TRAPPC9: variants seen among roughly 807,000 people sequenced by gnomAD.
TRAPPC9 encodes the protein trafficking protein particle complex subunit 9, also known as IKK2 binding protein.
Under a neutral mutation model 124.0 loss-of-function variants are expected in TRAPPC9, and 83 were observed. The ratio of observed to expected loss-of-function variants is 0.67; its 90% CI spans 0.56 to 0.80. TRAPPC9 has a LOEUF of 0.80. Among genes scored for constraint, TRAPPC9 ranks in the 30% least tolerant of loss-of-function variants. TRAPPC9 has a pLI of 0.00. For synonymous variants in TRAPPC9, 638 were observed against 617.5 expected, an observed-to-expected ratio of 1.03 and a Z score of -0.49; for missense variants, 1,302 against 1,508.3, an observed-to-expected ratio of 0.86 and a Z score of 2.27.
chr8:139,762,887 G>A (rs1373248987), intron 21 of TRAPPC9, among the ~76,000 whole-genome samples: 2 of 152,194 alleles, frequency 1.3e-5, no homozygotes. Flanking sequence ...CAAGTTCCCA[G>A]TCTCAGTTGC....
intron 19 of TRAPPC9, among the ~76,000 whole-genome samples, chr8:139,918,868 G>A (rs997526642): frequency 6.6e-6 from 1 of 152,156 alleles, no homozygotes; most frequent in East Asian, 1.9e-4. Flanking sequence ...CCTGCACCAC[G>A]GGTCATTTTA....
intron 9 of TRAPPC9, among the ~76,000 whole-genome samples, chr8:140,328,233 C>T (rs375518992): frequency 5.3e-5 from 8 of 151,524 alleles, no homozygotes; most frequent in South Asian, 4.2e-4. Flanking sequence ...CCAGCCTGGG[C>T]GAAAGAGCGA....
At chr8:139,974,003 G>A (rs77444662) in intron 19 of TRAPPC9, among the ~76,000 whole-genome samples, 4,467 of 152,276 alleles carry the variant, frequency 0.029, 223 homozygotes, top group African/African-American at 0.1. Context: ...CAGGAGCTTC[G>A]AGAGCGGCCT....
chr8:139,822,572 G>T (rs906419766), intron 21 of TRAPPC9, among the ~76,000 whole-genome samples: 3 of 152,182 alleles, frequency 2.0e-5, no homozygotes, highest in Admixed American at 2.0e-4. Context: ...TGCTAGAGAT[G>T]GCCTCCCTCA....
intron 21 of TRAPPC9, among the ~76,000 whole-genome samples, chr8:139,751,729 GCATCCATC>G (rs113980054): frequency 6.8e-6 from 1 of 146,386 alleles, no homozygotes; most frequent in Non-Finnish European, 1.5e-5. Context: ...CATCCATCCA[GCATCCATC>G]CATCCATCCA....
At chr8:140,249,626 T>C (rs1450086067) in intron 16 of TRAPPC9, among the ~76,000 whole-genome samples, 36 of 129,662 alleles carry the variant, frequency 2.8e-4, no homozygotes, top group Non-Finnish European at 3.8e-4. Flanking sequence ...TTTTTTGAGA[T>C]GGAGTCTCGC....
intron 21 of TRAPPC9, among the ~76,000 whole-genome samples, chr8:139,780,196 T>A (rs992213732): frequency 6.6e-6 from 1 of 152,158 alleles, no homozygotes; most frequent in Non-Finnish European, 1.5e-5. Context: ...AGATCCAGAA[T>A]AACTAACACA....
At chr8:139,814,871 G>A (rs930791447) in intron 21 of TRAPPC9, among the ~76,000 whole-genome samples, 18 of 152,216 alleles carry the variant, frequency 1.2e-4, no homozygotes, top group African/African-American at 3.9e-4. Flanking sequence ...ATCACCCAAC[G>A]TGCTTGCAGA....
chr8:140,092,667 G>T (rs1049705774), intron 17 of TRAPPC9, among the ~76,000 whole-genome samples: 2 of 152,116 alleles, frequency 1.3e-5, no homozygotes, highest in Non-Finnish European at 2.9e-5. Context: ...ACCCCAATAA[G>T]ACCAAAAGTT....
intron 5 of TRAPPC9, among the ~76,000 whole-genome samples, chr8:140,412,563 G>A (rs532760500): frequency 2.0e-5 from 3 of 152,214 alleles, no homozygotes; most frequent in East Asian, 1.9e-4. Flanking sequence ...AATGCACACC[G>A]AGGTATTCAG....
chr8:140,167,544 T>G (rs1188831850), intron 17 of TRAPPC9, among the ~76,000 whole-genome samples: 1 of 152,152 alleles, frequency 6.6e-6, no homozygotes, highest in Non-Finnish European at 1.5e-5. Context: ...TGGCAGCAGC[T>G]GGAATGACTC....
chr8:140,230,885 T>C (rs1304763122), intron 16 of TRAPPC9, among the ~76,000 whole-genome samples: 1 of 152,204 alleles, frequency 6.6e-6, no homozygotes, highest in Non-Finnish European at 1.5e-5. Context: ...GTAGGCCCTC[T>C]TCTGCGGAAA....
chr8:139,930,434 G>A (rs1833072364), intron 19 of TRAPPC9, among the ~76,000 whole-genome samples: 4 of 152,192 alleles, frequency 2.6e-5, no homozygotes, highest in Non-Finnish European at 5.9e-5. Context: ...AGGATCACAG[G>A]GAAAACAAGG....
At position 140,287,647 on chromosome 8, in the gene TRAPPC9, C is replaced by T. The variant is rs1025094515; in HGVS notation, c.1942G>A (p.Val648Ile). 18 of 1,614,064 alleles carry T rather than the reference C, an allele frequency of 1.1e-5. No individual in the cohort carries two copies. Among genetic ancestry groups the T allele is most frequent in the South Asian group, 2.2e-5 (2 of 91,082 alleles). The change falls in exon 13 of 23, where the codon GTC (valine) becomes ATC (isoleucine). Residue 648 changes from valine (V) to isoleucine (I), a missense_variant. Transcript: ENST00000438773. ...GTTCCAGTCGTCTGCGGGACCCCGA[C>T]GAGCGTCACTGGGTACAGACCAGAT... is the stretch of plus-strand genomic sequence containing the variant. ...AESGLYPVTL[V>I]GVPQTTGTIT... is the part of the protein sequence containing the mutation.
At chr8:139,818,257 G>A (rs902327436) in intron 21 of TRAPPC9, among the ~76,000 whole-genome samples, 1 of 152,174 alleles carries the variant, frequency 6.6e-6, no homozygotes, top group East Asian at 1.9e-4. Flanking sequence ...GGGGTGGAGA[G>A]TCTGATTAGG....
At chr8:140,058,642 T>C (rs1189937373) in intron 17 of TRAPPC9, among the ~76,000 whole-genome samples, 1 of 151,616 alleles carries the variant, frequency 6.6e-6, no homozygotes, top group Non-Finnish European at 1.5e-5. Flanking sequence ...AGACAGACAG[T>C]GGAAGGAGGA....
At chr8:139,812,595 G>C (rs1362656873) in intron 21 of TRAPPC9, among the ~76,000 whole-genome samples, 3 of 152,198 alleles carry the variant, frequency 2.0e-5, no homozygotes, top group Non-Finnish European at 4.4e-5. Flanking sequence ...GGCTTTTTAA[G>C]TCACATGTAT....
At chr8:140,208,488 C>T (rs1318558190) in intron 17 of TRAPPC9, among the ~76,000 whole-genome samples, 1 of 152,236 alleles carries the variant, frequency 6.6e-6, no homozygotes, top group Non-Finnish European at 1.5e-5. Flanking sequence ...CAAGCTGTGG[C>T]ATAACCAGCC....
intron 17 of TRAPPC9, among the ~76,000 whole-genome samples, chr8:140,060,100 C>G (rs1228466849): frequency 6.6e-6 from 1 of 152,160 alleles, no homozygotes; most frequent in African/African-American, 2.4e-5. Flanking sequence ...GTCAGGTCTC[C>G]TTTTGATTGG....
Sources: gnomAD v4.1 joint callset for allele counts (sites outside exome capture counted in the v4.1 genomes callset) on GRCh38, gnomAD v4.1.1 for gene constraint, MANE v1.5 for transcripts, NCBI Gene and HGNC (gene_info 2026-07-23, HGNC 2026-07-21) for gene names.